Variants in KIRREL3 observed in about 807,000 individuals in gnomAD.
KIRREL3 encodes kirre like nephrin family adhesion molecule 3.
A neutral mutation model predicts 89.7 loss-of-function variants in KIRREL3; 36 were observed. That is an observed-to-expected ratio of 0.40 (90% CI 0.31 to 0.53). The LOEUF is 0.53. Among genes scored for constraint, KIRREL3 ranks in the 20% least tolerant of loss-of-function variants. KIRREL3 has a pLI of 0.49. For missense variants in KIRREL3, 864 were observed against 1,056.6 expected (o/e 0.82, Z 2.53); for synonymous variants, 445 against 441.4 (o/e 1.01, Z -0.10).
In KIRREL3 at chr11:126,668,369, G is replaced by C. The variant is rs974525685; in HGVS notation, c.56-105457C>G. Among the ~76,000 whole-genome samples the C allele has an allele frequency of 1.3e-5, 2 of 152,148 alleles. No homozygotes were observed. Among genetic ancestry groups the C allele is most frequent in the Non-Finnish European group, 2.9e-5 (2 of 68,034 alleles). On this transcript the variant is annotated intron_variant, in intron 1 of 16. Coordinates refer to ENST00000525144, the MANE Select transcript of KIRREL3 (RefSeq NM_032531.4). The surrounding 1 kb of genome is among the most constrained non-coding windows in gnomAD (Gnocchi z 4.4). ...CTCACCTCCTAATACCGTAGCCTTG[G>C]AGGTGAGAATTTTAGCTTATGAATT... is the stretch of plus-strand genomic sequence containing the variant.
At chr11:126,573,871 T>C (rs1054176944) in intron 1 of KIRREL3, among the ~76,000 whole-genome samples, 1 of 151,992 alleles carries the variant, frequency 6.6e-6, no homozygotes, top group Non-Finnish European at 1.5e-5. Context: ...GACCTCTTGC[T>C]GGGGGGATAT....
intron 1 of KIRREL3, among the ~76,000 whole-genome samples, chr11:126,938,778 AG>A (rs889349453): frequency 3.3e-5 from 5 of 152,230 alleles, no homozygotes; most frequent in Non-Finnish European, 4.4e-5. Context: ...GAAATAAAAT[AG>A]AAAAAACACA....
chr11:126,608,235 T>C lies in KIRREL3; in HGVS notation c.56-45323A>G, dbSNP rs1233345592. On this transcript the variant is annotated intron_variant, in intron 1 of 16. Coordinates refer to ENST00000525144, the MANE Select transcript of KIRREL3 (RefSeq NM_032531.4). The surrounding 1 kb of genome is among the most constrained non-coding windows in gnomAD (Gnocchi z 4.9). ...CAGGAGGCAGCTGAAGGGGGCGGTC[T>C]CAGAAGCCCCCGCTGGGAGCCTCCT... is the stretch of plus-strand genomic sequence containing the variant. 6.6e-5 allele frequency among the ~76,000 whole-genome samples: 10 copies of C among 152,112 alleles called. No individual in the cohort carries two copies. The highest frequency in any genetic ancestry group is 2.4e-4 in the African/African-American group (10 of 41,430).
At position 126,463,690 on chromosome 11, in the gene KIRREL3, G is replaced by T. The variant is rs1956625457; in HGVS notation, c.592-383C>A. On this transcript the variant is annotated intron_variant, in intron 5 of 16. Transcript: ENST00000525144. This position sits in a 1 kb window ranked among gnomAD's most constrained non-coding sequence, Gnocchi z 5.9. ...TGCTTGAGTGACAGTCTCAGGCTCTGTAGGAAGCAACGAGATGGTTTGCAA... is the reference window on the plus strand; with the variant it reads ...TGCTTGAGTGACAGTCTCAGGCTCTTTAGGAAGCAACGAGATGGTTTGCAA... 6.6e-6 allele frequency among the ~76,000 whole-genome samples: 1 copy of T among 152,196 alleles called. No individual in the cohort carries two copies. Among genetic ancestry groups the T allele is most frequent in the Non-Finnish European group, 1.5e-5 (1 of 68,032 alleles).
chr11:126,540,821 G>A (rs997124898), intron 2 of KIRREL3, among the ~76,000 whole-genome samples: 4 of 152,218 alleles, frequency 2.6e-5, no homozygotes, highest in Admixed American at 2.6e-4. Context: ...GCATGAAGCA[G>A]AGACCCTGGC....
chr11:126,860,472 C>A lies in KIRREL3; in HGVS notation c.55+139983G>T, dbSNP rs1944667895. 6.6e-6 allele frequency among the ~76,000 whole-genome samples: 1 copy of A among 151,970 alleles called. No homozygotes were observed. The highest frequency in any genetic ancestry group is 2.4e-5 in the African/African-American group (1 of 41,340). ...AAGAAGGGAGGAAGAGCATTCCAGG[C>A]AGAAGGAAGAGTTTGAGCAAAGGAG... On this transcript the variant is annotated intron_variant, in intron 1 of 16. Coordinates refer to ENST00000525144, the MANE Select transcript of KIRREL3 (RefSeq NM_032531.4). The surrounding 1 kb of genome is among the most constrained non-coding windows in gnomAD (Gnocchi z 4.6).
Position 126,424,776 on chromosome 11 carries a change from C to G in KIRREL3, c.2141G>C (p.Gly714Ala), listed in dbSNP as rs752110259. 1.2e-5 allele frequency: 20 copies of G among 1,613,914 alleles called. No individual in the cohort carries two copies. The highest frequency in any genetic ancestry group is 5.0e-5 in the Admixed American group (3 of 60,008). The change falls in exon 17 of 17, where the codon GGC (glycine) becomes GCC (alanine). Residue 714 changes from glycine to alanine, a missense_variant. Physicochemically the swap from Gly to Ala is moderately conservative, Grantham distance 60. Coordinates refer to ENST00000525144, the MANE Select transcript of KIRREL3 (RefSeq NM_032531.4). ...GAAGGAGCTGCTGTCGCTGAGGGAG[C>G]CTCTCTGGAACTCCCGCTCACAAAG... ...IELCEREFQR[G>A]SLSDSSSFLD...
intron 1 of KIRREL3, among the ~76,000 whole-genome samples, chr11:126,907,066 A>C (rs1363069011): frequency 6.6e-6 from 1 of 152,226 alleles, no homozygotes; most frequent in East Asian, 1.9e-4. Flanking sequence ...CCACACCATA[A>C]ATGAATCAGG....
In KIRREL3 at chr11:126,867,592, AACATTAAT is replaced by A. The variant is rs1369298246; in HGVS notation, c.55+132855_55+132862del. 2.0e-5 allele frequency among the ~76,000 whole-genome samples: 3 copies of A among 152,248 alleles called. No individual in the cohort carries two copies. Among genetic ancestry groups the A allele is most frequent in the Non-Finnish European group, 4.4e-5 (3 of 68,050 alleles). On this transcript the variant is annotated intron_variant, in intron 1 of 16. Coordinates refer to ENST00000525144, the MANE Select transcript of KIRREL3 (RefSeq NM_032531.4). The surrounding 1 kb of genome is among the most constrained non-coding windows in gnomAD (Gnocchi z 4.7). The stretch of plus-strand genomic sequence containing the variant: ...ACAGATAATACTAGTATTAGTTAAT[AACATTAAT>A]ACATTTCACCGAATGATTACCGAGT...
intron 1 of KIRREL3, among the ~76,000 whole-genome samples, chr11:126,722,462 A>C (rs1458376563): frequency 2.6e-5 from 4 of 152,250 alleles, no homozygotes; most frequent in Non-Finnish European, 5.9e-5. Context: ...ACACCATATC[A>C]GGGGTTGGCA....
rs1950765158 is a variant in KIRREL3, at chr11:126,795,149, AT to A, written c.55+205305del. Among the ~76,000 whole-genome samples the A allele has an allele frequency of 6.6e-6, 1 of 152,194 alleles. No individual in the cohort carries two copies. Among genetic ancestry groups the A allele is most frequent in the African/African-American group, 2.4e-5 (1 of 41,448 alleles). ...GGCACTGAAACTATTCTGTATGATCATGTAATGGTGGATACATGTCATCACA... is the reference window on the plus strand; with the variant it reads ...GGCACTGAAACTATTCTGTATGATCAGTAATGGTGGATACATGTCATCACA... On this transcript the variant is annotated intron_variant, in intron 1 of 16. Coordinates refer to ENST00000525144, the MANE Select transcript of KIRREL3 (RefSeq NM_032531.4). This position sits in a 1 kb window ranked among gnomAD's most constrained non-coding sequence, Gnocchi z 4.1.
chr11:126,859,213 T>G (rs1050524568), intron 1 of KIRREL3, among the ~76,000 whole-genome samples: 23 of 152,288 alleles, frequency 1.5e-4, no homozygotes, highest in Middle Eastern at 3.4e-3. Flanking sequence ...ACAGGCTATC[T>G]GGGGGTGAAA....
In KIRREL3 at chr11:126,605,226, A is replaced by T. The variant is rs1172797742; in HGVS notation, c.56-42314T>A. ...AGGGACCGACTCCTGGGATCTTACC[A>T]AGTCACATTTGCAGTTGGTGCCTCC... is the stretch of plus-strand genomic sequence containing the variant. On this transcript the variant is annotated intron_variant, in intron 1 of 16. Transcript: ENST00000525144. The surrounding 1 kb of genome is among the most constrained non-coding windows in gnomAD (Gnocchi z 5.7). 1.3e-5 allele frequency among the ~76,000 whole-genome samples: 2 copies of T among 152,112 alleles called. No homozygotes were observed. Among genetic ancestry groups the T allele is most frequent in the Admixed American group, 6.5e-5 (1 of 15,288 alleles).
At chr11:126,951,496 T>C (rs1212162584) in intron 1 of KIRREL3, among the ~76,000 whole-genome samples, 1 of 152,060 alleles carries the variant, frequency 6.6e-6, no homozygotes, top group Admixed American at 6.5e-5. Flanking sequence ...CAGGAGGAGA[T>C]TATCGGGGGT....
intron 1 of KIRREL3, among the ~76,000 whole-genome samples, chr11:126,616,242 G>T (rs1943343030): frequency 6.6e-6 from 1 of 152,080 alleles, no homozygotes; most frequent in Non-Finnish European, 1.5e-5. Context: ...TTGGGAGAAT[G>T]AATGGGAGAG....
chr11:126,719,171 C>G lies in KIRREL3; in HGVS notation c.56-156259G>C, dbSNP rs912166707. ...TCCCTTCATTCCGACACTCGGTAAC[C>G]CACTTATTCTGGTTTTGTCTCAAAT... On this transcript the variant is annotated intron_variant, in intron 1 of 16. Coordinates refer to ENST00000525144, the MANE Select transcript of KIRREL3 (RefSeq NM_032531.4). The surrounding 1 kb of genome is among the most constrained non-coding windows in gnomAD (Gnocchi z 4.7). 1.3e-5 allele frequency among the ~76,000 whole-genome samples: 2 copies of G among 152,158 alleles called. No individual in the cohort carries two copies. Among genetic ancestry groups the G allele is most frequent in the Non-Finnish European group, 2.9e-5 (2 of 68,028 alleles).
Position 126,622,677 on chromosome 11 carries a change from G to A in KIRREL3, c.56-59765C>T, listed in dbSNP as rs752220641. On this transcript the variant is annotated intron_variant, in intron 1 of 16. Coordinates refer to ENST00000525144, the MANE Select transcript of KIRREL3 (RefSeq NM_032531.4). This position sits in a 1 kb window ranked among gnomAD's most constrained non-coding sequence, Gnocchi z 5.2. ...GCACTCCAGCCTGGGCGACAAGAGC[G>A]AAACTCTGTCTCAAAAAACAAAAAA... is the stretch of plus-strand genomic sequence containing the variant. Among the ~76,000 whole-genome samples the A allele has an allele frequency of 2.6e-5, 4 of 152,010 alleles. No homozygotes were observed. Among genetic ancestry groups the A allele is most frequent in the Non-Finnish European group, 4.4e-5 (3 of 68,012 alleles).
intron 1 of KIRREL3, among the ~76,000 whole-genome samples, chr11:126,721,529 CA>C (rs11410774): frequency 0.011 from 1,546 of 135,728 alleles, 19 homozygotes; most frequent in African/African-American, 0.031. Context: ...AACTCCGTCT[CA>C]AAAAAAAAAA....
intron 1 of KIRREL3, among the ~76,000 whole-genome samples, chr11:126,760,316 T>TCTA (rs1949630011): frequency 6.6e-6 from 1 of 152,208 alleles, no homozygotes; most frequent in African/African-American, 2.4e-5. Flanking sequence ...GCTCTAGCAG[T>TCTA]GGGAGTAGAG....
Sources: gnomAD v4.1 joint callset for allele counts (sites outside exome capture counted in the v4.1 genomes callset) on GRCh38, gnomAD v4.1.1 for gene constraint, Gnocchi (gnomAD v3.1) non-coding constraint, MANE v1.5 for transcripts, NCBI Gene and HGNC (gene_info 2026-07-23, HGNC 2026-07-21) for gene names.